Variants in RPS6KC1 observed in about 807,000 individuals in gnomAD.
The protein encoded by RPS6KC1 is inactive ribosomal protein S6 kinase delta-1.
A neutral mutation model predicts 103.8 loss-of-function variants in RPS6KC1; 54 were observed. That is an observed-to-expected ratio of 0.52 (90% CI 0.42 to 0.65). The LOEUF is 0.65. Among genes scored for constraint, RPS6KC1 ranks in the 30% least tolerant of loss-of-function variants. The pLI is 0.00. For synonymous variants in RPS6KC1, 439 were observed against 438.7 expected (o/e 1.00, Z -0.01); for missense variants, 1,151 against 1,253.8 (o/e 0.92, Z 1.24).
chr1:213,276,715 A>G (rs1303661470), downstream of RPS6KC1, among the ~76,000 whole-genome samples: 6 of 152,206 alleles, frequency 3.9e-5, no homozygotes, highest in African/African-American at 1.2e-4. Context: ...ACATCTGCTC[A>G]GTAGCATAGC....
intron 9 of RPS6KC1, 65 bp downstream of exon 9, chr1:213,230,609 C>G (rs1296677037): frequency 2.4e-6 from 3 of 1,230,382 alleles, no homozygotes; most frequent in Non-Finnish European, 2.3e-6. Context: ...CTGAGATAGG[C>G]AGGTCACCTA....
chr1:213,357,932 G>A, the RPS6KC1 span, among the ~76,000 whole-genome samples: 1 of 152,152 alleles, frequency 6.6e-6, no homozygotes, highest in Admixed American at 6.5e-5. Flanking sequence ...CTACCTTGTG[G>A]TCGTTCTTGA....
chr1:213,125,061 A>G lies in RPS6KC1; in HGVS notation c.473-4466A>G, dbSNP rs75011074. Among the ~76,000 whole-genome samples the G allele has an allele frequency of 1.4e-3, 207 of 152,218 alleles. 5 individuals carry two copies. The East Asian group carries it at 0.034, about 25-fold the overall frequency. On this transcript the variant is annotated intron_variant, in intron 5 of 14. Coordinates refer to ENST00000366960, the MANE Select transcript of RPS6KC1 (RefSeq NM_012424.6). ...TTTCTTTTACTCAGATAAATTCCCA[A>G]TATTGGCCCTTGATGCATCTCTTTT...
At chr1:213,279,356 C>G (rs1032059341), downstream of RPS6KC1, among the ~76,000 whole-genome samples, 9 of 151,984 alleles carry the variant, frequency 5.9e-5, no homozygotes, top group African/African-American at 1.9e-4. Context: ...AATTGCTTTC[C>G]CTTTTTCTTG....
At chr1:213,559,660 C>T in the RPS6KC1 span, among the ~76,000 whole-genome samples, 33 of 152,034 alleles carry the variant, frequency 2.2e-4, no homozygotes, top group Non-Finnish European at 4.3e-4. Context: ...AACCTTTGCC[C>T]GAGGGCCTGG....
chr1:213,063,359 G>A (rs1305297948), intron 1 of RPS6KC1, among the ~76,000 whole-genome samples: 1 of 152,220 alleles, frequency 6.6e-6, no homozygotes, highest in Non-Finnish European at 1.5e-5. Flanking sequence ...TGGAGTCATG[G>A]AGTTGTGAGA....
chr1:213,486,513 G>A, the RPS6KC1 span, among the ~76,000 whole-genome samples: 1 of 147,898 alleles, frequency 6.8e-6, no homozygotes, highest in African/African-American at 2.4e-5. Context: ...GGTGTCAGCA[G>A]CTGGGACCTG....
the RPS6KC1 span, among the ~76,000 whole-genome samples, chr1:213,633,119 A>G: frequency 9.2e-5 from 14 of 152,344 alleles, no homozygotes; most frequent in African/African-American, 3.4e-4. Context: ...GTTGGAAAAC[A>G]CTCTTGAGGA....
chr1:213,611,667 G>T, the RPS6KC1 span, among the ~76,000 whole-genome samples: 2 of 152,186 alleles, frequency 1.3e-5, no homozygotes, highest in Non-Finnish European at 2.9e-5. Flanking sequence ...TGTGCGTTTT[G>T]CATCTTGTAT....
At chr1:213,767,910 A>G in the RPS6KC1 span, among the ~76,000 whole-genome samples, 1 of 152,148 alleles carries the variant, frequency 6.6e-6, no homozygotes, top group Non-Finnish European at 1.5e-5. Flanking sequence ...TTAGCACACT[A>G]CTGGTCACGC....
the RPS6KC1 span, among the ~76,000 whole-genome samples, chr1:213,539,913 A>G: frequency 1.3e-5 from 2 of 152,316 alleles, no homozygotes; most frequent in East Asian, 1.9e-4. Flanking sequence ...ATGCAAGTCT[A>G]TTAAGTGTAC....
the RPS6KC1 span, among the ~76,000 whole-genome samples, chr1:213,394,724 G>C: frequency 6.6e-6 from 1 of 152,190 alleles, no homozygotes; most frequent in Non-Finnish European, 1.5e-5. Context: ...TGGGGTGTTC[G>C]TGGGTGCTTT....
chr1:213,125,756 TTCTC>T (rs1289261256), intron 5 of RPS6KC1: 1 of 151,890 alleles, frequency 6.6e-6, no homozygotes, highest in Non-Finnish European at 1.5e-5. Context: ...CTTACTATCT[TTCTC>T]TCTAGGTATT....
At chr1:213,732,111 G>GA in the RPS6KC1 span, among the ~76,000 whole-genome samples, 46 of 147,622 alleles carry the variant, frequency 3.1e-4, no homozygotes, top group African/African-American at 9.9e-4. Context: ...TAGAATTTTT[G>GA]AAAAAAAAAC....
chr1:213,482,798 C>T, the RPS6KC1 span, among the ~76,000 whole-genome samples: 90 of 151,998 alleles, frequency 5.9e-4, no homozygotes, highest in African/African-American at 2.1e-3. Context: ...CTGCCCGCCT[C>T]GGCCTCCCAA....
intron 6 of RPS6KC1, among the ~76,000 whole-genome samples, chr1:213,157,502 C>T (rs557268082): frequency 3.3e-5 from 5 of 152,154 alleles, no homozygotes; most frequent in South Asian, 2.1e-4. Flanking sequence ...CCACCATGCC[C>T]GGCCTTTAAT....
intron 8 of RPS6KC1, among the ~76,000 whole-genome samples, chr1:213,185,837 G>C (rs1021880356): frequency 4.6e-5 from 7 of 150,636 alleles, no homozygotes; most frequent in Non-Finnish European, 7.4e-5. Flanking sequence ...CTGGTAGTAT[G>C]TTTTAATTTG....
chr1:213,294,863 T>G, the RPS6KC1 span, among the ~76,000 whole-genome samples: 1 of 152,320 alleles, frequency 6.6e-6, no homozygotes, highest in Admixed American at 6.5e-5. Context: ...CTTTTCAAAA[T>G]TATTCTTTCT....
chr1:213,301,648 A>G, the RPS6KC1 span, among the ~76,000 whole-genome samples: 1 of 152,132 alleles, frequency 6.6e-6, no homozygotes, highest in Non-Finnish European at 1.5e-5. Context: ...GCAGTGAGCT[A>G]TGATTGCACC....
Sources: gnomAD v4.1 joint callset for allele counts (sites outside exome capture counted in the v4.1 genomes callset) on GRCh38, gnomAD v4.1.1 for gene constraint, MANE v1.5 for transcripts, NCBI Gene and HGNC (gene_info 2026-07-23, HGNC 2026-07-21) for gene names.